Variants in NBEA observed in about 807,000 individuals in gnomAD.
NBEA encodes the protein neurobeachin.
In NBEA, 44 loss-of-function variants were observed where a neutral mutation model predicts 343.4. That is an observed-to-expected ratio of 0.13 (90% CI 0.10 to 0.16). The LOEUF is 0.16. Ranked by LOEUF, NBEA falls within the 10% of genes least tolerant of loss-of-function variation. The pLI, the probability that NBEA is intolerant of heterozygous loss-of-function variation, is 1.00. For synonymous variants in NBEA, 1,175 were observed against 1,238.7 expected, an observed-to-expected ratio of 0.95 and a Z score of 1.08; for missense variants, 2,555 against 3,631.3, an observed-to-expected ratio of 0.70 and a Z score of 7.62.
At chr13:35,581,035 C>T (rs1393391494) in intron 45 of NBEA, among the ~76,000 whole-genome samples, 1 of 152,128 alleles carries the variant, frequency 6.6e-6, no homozygotes, top group African/African-American at 2.4e-5. Flanking sequence ...TAAGATCAAA[C>T]CTTAGGGATT....
At chr13:35,544,894 G>A (rs1194231064) in intron 41 of NBEA, among the ~76,000 whole-genome samples, 1 of 152,142 alleles carries the variant, frequency 6.6e-6, no homozygotes, top group Non-Finnish European at 1.5e-5. Context: ...GGATGGGATA[G>A]TATTTGTTGA....
At chr13:35,529,326 A>G (rs983677415) in intron 41 of NBEA, among the ~76,000 whole-genome samples, 2 of 152,184 alleles carry the variant, frequency 1.3e-5, no homozygotes, top group African/African-American at 4.8e-5. Context: ...TGACTTTTAA[A>G]GTAAGTGTGA....
intron 49 of NBEA, among the ~76,000 whole-genome samples, chr13:35,640,287 A>G (rs887920232): frequency 1.3e-5 from 2 of 152,248 alleles, no homozygotes; most frequent in African/African-American, 4.8e-5. Flanking sequence ...AAGGAAAGAA[A>G]ACAATTAAGA....
chr13:35,455,250 T>C (rs1490040013), intron 40 of NBEA, among the ~76,000 whole-genome samples: 1 of 152,122 alleles, frequency 6.6e-6, no homozygotes, highest in African/African-American at 2.4e-5. Context: ...TAAGCAGATA[T>C]GCAGTATAAT....
At chr13:35,111,990 C>T (rs1217657209) in intron 13 of NBEA, among the ~76,000 whole-genome samples, 1 of 144,754 alleles carries the variant, frequency 6.9e-6, no homozygotes, top group African/African-American at 2.6e-5. Context: ...TATCTCAGCT[C>T]ACTGCAAGCT....
intron 34 of NBEA, among the ~76,000 whole-genome samples, chr13:35,255,470 C>T (rs1008675512): frequency 4.6e-5 from 7 of 152,216 alleles, no homozygotes; most frequent in Admixed American, 2.0e-4. Context: ...AGCGGGCAAG[C>T]GCAGGTTCCG....
chr13:35,272,074 A>C (rs1183641748), intron 34 of NBEA, among the ~76,000 whole-genome samples: 4 of 152,228 alleles, frequency 2.6e-5, no homozygotes, highest in Non-Finnish European at 5.9e-5. Context: ...CAAGGTTGAA[A>C]TGAAGGAAAA....
At chr13:35,101,386 G>A (rs1763971713) in intron 11 of NBEA, among the ~76,000 whole-genome samples, 1 of 151,906 alleles carries the variant, frequency 6.6e-6, no homozygotes, top group African/African-American at 2.4e-5. Context: ...CCTAGTGGGT[G>A]TGAAATGGCT....
In NBEA at chr13:35,196,310, C is replaced by A; in HGVS notation, c.5366+8C>A. Reference sequence around the variant, plus strand: ...GTTTCATTCCTTTGACAGGTAGGTACTGAACTTATTATTCACAGGGCTTTA... The same window carrying A: ...GTTTCATTCCTTTGACAGGTAGGTAATGAACTTATTATTCACAGGGCTTTA... On this transcript the variant is annotated splice_region_variant and intron_variant, in intron 31 of 58. Transcript: ENST00000379939. 6.3e-7 allele frequency: 1 copy of A among 1,596,634 alleles called. No homozygotes were observed. The highest frequency in any genetic ancestry group is 8.5e-7 in the Non-Finnish European group (1 of 1,171,342).
chr13:35,179,398 A>C (rs2152728334), intron 28 of NBEA, among the ~76,000 whole-genome samples: 1 of 151,668 alleles, frequency 6.6e-6, no homozygotes, highest in South Asian at 2.1e-4. Context: ...TCAGTAATAA[A>C]ATACCTGAGC....
At chr13:34,973,513 C>A (rs1247803199) in intron 1 of NBEA, among the ~76,000 whole-genome samples, 1 of 151,924 alleles carries the variant, frequency 6.6e-6, no homozygotes, top group African/African-American at 2.4e-5. Flanking sequence ...CTGGAGGTCC[C>A]CCTTGCGAGG....
At chr13:35,237,349 T>G (rs1399314745) in intron 34 of NBEA, among the ~76,000 whole-genome samples, 1 of 152,218 alleles carries the variant, frequency 6.6e-6, no homozygotes, top group Non-Finnish European at 1.5e-5. Context: ...GCTGCTGCAC[T>G]CATCCAAGGT....
At chr13:35,246,474 G>A (rs1040302989) in intron 34 of NBEA, among the ~76,000 whole-genome samples, 1 of 152,144 alleles carries the variant, frequency 6.6e-6, no homozygotes, top group African/African-American at 2.4e-5. Context: ...GTTCCACGCG[G>A]TGCTCCCTTG....
At chr13:35,455,071 G>A (rs2046498392) in intron 40 of NBEA, among the ~76,000 whole-genome samples, 1 of 151,812 alleles carries the variant, frequency 6.6e-6, no homozygotes, top group African/African-American at 2.4e-5. Flanking sequence ...ATTAGTATGA[G>A]AAATGTACTT....
chr13:35,122,729 C>A (rs2066874275), intron 16 of NBEA, among the ~76,000 whole-genome samples: 1 of 152,040 alleles, frequency 6.6e-6, no homozygotes, highest in Admixed American at 6.6e-5. Flanking sequence ...AAAACAAAAT[C>A]TTAGAGTAGG....
chr13:35,475,039 G>T, intron 41 of NBEA: 1 of 1,601,200 alleles, frequency 6.2e-7, no homozygotes, highest in South Asian at 1.1e-5. Context: ...AATAATTTCG[G>T]CTCTTGATTA....
At chr13:35,145,395 G>A (rs1362330927) in intron 18 of NBEA, among the ~76,000 whole-genome samples, 2 of 152,192 alleles carry the variant, frequency 1.3e-5, no homozygotes, top group African/African-American at 4.8e-5. Flanking sequence ...CAGTTTAGAA[G>A]TCTGGGCCCT....
chr13:35,218,330 C>T (rs1308690140), intron 33 of NBEA, among the ~76,000 whole-genome samples: 3 of 151,900 alleles, frequency 2.0e-5, no homozygotes, highest in South Asian at 4.1e-4. Context: ...TTAATTGTTT[C>T]CCTTTCAGTA....
chr13:35,191,644 T>C (rs942596652), intron 30 of NBEA, among the ~76,000 whole-genome samples: 9 of 152,082 alleles, frequency 5.9e-5, no homozygotes, highest in Admixed American at 1.3e-4. Flanking sequence ...ATAAACAAAA[T>C]GTGTAAGTTA....
Sources: gnomAD v4.1 joint callset for allele counts (sites outside exome capture counted in the v4.1 genomes callset) on GRCh38, gnomAD v4.1.1 for gene constraint, MANE v1.5 for transcripts, NCBI Gene and HGNC (gene_info 2026-07-23, HGNC 2026-07-21) for gene names.